Variants in DAB2 observed in about 807,000 individuals in gnomAD.
DAB2 encodes the protein DAB adaptor protein 2.
In DAB2, 28 loss-of-function variants were observed where a neutral mutation model predicts 71.6. The ratio of observed to expected loss-of-function variants is 0.39; its 90% confidence interval spans 0.29 to 0.54. DAB2 has a LOEUF of 0.54. DAB2 is among the 20% of genes least tolerant of loss of function. The probability of loss-of-function intolerance (pLI) is 0.68; values close to 1 mark genes in which losing one functional copy is unlikely to be tolerated. For synonymous variants in DAB2, 345 were observed against 339.7 expected, an observed-to-expected ratio of 1.02 and a Z score of -0.17; for missense variants, 867 against 928.8, an observed-to-expected ratio of 0.93 and a Z score of 0.86.
chr5:39,395,894 A>G (rs1250109196), intron 1 of DAB2, among the ~76,000 whole-genome samples: 1 of 136,568 alleles, frequency 7.3e-6, no homozygotes, highest in African/African-American at 2.7e-5. Context: ...GTATTACTGT[A>G]TCATATTTCA....
Position 39,372,393 on chromosome 5 carries a change from T to C in DAB2, c.*1038A>G, listed in dbSNP as rs1224490149. ...GACCCCAAATAAGCACCTAATGTGT[T>C]TGGCACAATCACATTTAGCTTTGTG... On this transcript the variant is annotated 3_prime_UTR_variant, in exon 15 of 15. Transcript: ENST00000320816. 1 of 152,212 alleles carries C rather than the reference T, an allele frequency of 6.6e-6. No individual in the cohort carries two copies. Among genetic ancestry groups the C allele is most frequent in the Non-Finnish European group, 1.5e-5 (1 of 68,036 alleles). 9.4% of individuals were successfully genotyped at this position (152,212 alleles called of 1,614,324 possible). A position where few individuals can be genotyped will look rare whatever the true frequency, so the allele number is the denominator to read the frequency against.
At chr5:39,392,602 C>A (rs79185156) in intron 3 of DAB2, 139 bp from the exon 4 acceptor site, 21,231 of 645,872 alleles carry the variant, frequency 0.033, 496 homozygotes, top group South Asian at 0.075. Context: ...ACTTTTCATC[C>A]GGGACAGCAA....
chr5:39,394,313 T>C lies in DAB2; in HGVS notation c.8A>G (p.Asn3Ser), dbSNP rs1413513229. Reference sequence around the variant, plus strand: ...ATTGGTTGCACTTGTTTCTACTTCGTTAGACATGGCAAGAAGGCAGGCAGC... The same window carrying C: ...ATTGGTTGCACTTGTTTCTACTTCGCTAGACATGGCAAGAAGGCAGGCAGC... Reference protein sequence around the residue: MSNEVETSATNGQ... With the variant: MSSEVETSATNGQ... The change falls in exon 2 of 15, where the codon AAC becomes AGC. Residue 3 changes from asparagine to serine, a missense_variant. Coordinates refer to ENST00000320816, the MANE Select transcript of DAB2 (RefSeq NM_001343.4). 8 of 1,614,056 alleles carry C rather than the reference T, an allele frequency of 5.0e-6. No individual in the cohort carries two copies. Among genetic ancestry groups the C allele is most frequent in the Non-Finnish European group, 6.8e-6 (8 of 1,179,928 alleles).
At chr5:39,377,325 G>T (rs372028299) in intron 11 of DAB2, 43 bp from the exon 12 acceptor site, 78 of 1,563,448 alleles carry the variant, frequency 5.0e-5, no homozygotes, top group Non-Finnish European at 6.0e-5. Context: ...AGTCAAGCTT[G>T]AAGAAGATTC....
At position 39,387,266 on chromosome 5, in the gene DAB2, C is replaced by T. The variant is rs111437274; in HGVS notation, c.687+1039G>A. Among the ~76,000 whole-genome samples, 728 of 152,222 alleles carry T rather than the reference C, an allele frequency of 4.8e-3. 6 individuals are homozygous for T. Among genetic ancestry groups the T allele is most frequent in the African/African-American group, 0.016 (677 of 41,574 alleles). On this transcript the variant is annotated intron_variant, in intron 9 of 14. Coordinates refer to ENST00000320816, the MANE Select transcript of DAB2 (RefSeq NM_001343.4). ...CTGTAACCTTGGTCACATAGGCTTC[C>T]ATGATAATTTCCTGATACAAGAGAG...
intron 13 of DAB2, 134 bp downstream of exon 13, chr5:39,375,863 C>T: frequency 1.4e-6 from 1 of 701,452 alleles, no homozygotes; most frequent in Non-Finnish European, 2.4e-6. Context: ...TCCAGCCTGG[C>T]CGACAGAGCA....
intron 1 of DAB2, among the ~76,000 whole-genome samples, chr5:39,403,407 G>A (rs894751060): frequency 6.6e-5 from 10 of 152,096 alleles, no homozygotes; most frequent in Non-Finnish European, 5.9e-5. Context: ...ACTGAACCAA[G>A]AATGCCTTCC....
At position 39,376,914 on chromosome 5, in the gene DAB2, T is replaced by C; in HGVS notation, c.1873A>G (p.Arg625Gly). The C allele has an allele frequency of 6.2e-7, 1 of 1,614,066 alleles. No homozygotes were observed. The highest frequency in any genetic ancestry group is 8.5e-7 in the Non-Finnish European group (1 of 1,179,982). ...LLVTPPQPPP[R>G]AGPPKDISSD... ...GAGATGTCCTTGGGAGGGCCAGCTCTGGGAGGTGGCTGAGGAGGAGTGACC... is the reference window on the plus strand; with the variant it reads ...GAGATGTCCTTGGGAGGGCCAGCTCCGGGAGGTGGCTGAGGAGGAGTGACC... The change falls in exon 12 of 15, where the codon AGA becomes GGA. Residue 625 changes from arginine (R) to glycine (G), a missense_variant. By Grantham distance (125) the Arg-to-Gly change is moderately radical (BLOSUM62 -2). Transcript: ENST00000320816.
intron 1 of DAB2, among the ~76,000 whole-genome samples, chr5:39,415,853 T>TCACTATA (rs890241110): frequency 2.0e-5 from 3 of 152,152 alleles, no homozygotes; most frequent in African/African-American, 7.2e-5. Flanking sequence ...AACATTTGCA[T>TCACTATA]CACTATACAC....
chr5:39,405,366 A>T (rs1755588410), intron 1 of DAB2, among the ~76,000 whole-genome samples: 1 of 152,220 alleles, frequency 6.6e-6, no homozygotes, highest in African/African-American at 2.4e-5. Context: ...TCTGGCTTAG[A>T]CTACACAGAA....
chr5:39,376,067 A>T lies in DAB2; in HGVS notation c.2177T>A (p.Val726Asp). 6.2e-7 allele frequency: 1 copy of T among 1,614,092 alleles called. No individual in the cohort carries two copies. The highest frequency in any genetic ancestry group is 8.5e-7 in the Non-Finnish European group (1 of 1,179,968). ...KPAPRQVSLP[V>D]TKSTDNAFEN... is the part of the protein sequence containing the mutation. ...AAATGCATTGTCAGTAGATTTGGTAACTGGCAGGGAAACTTGTCTGGGAGC... is the reference window on the plus strand; with the variant it reads ...AAATGCATTGTCAGTAGATTTGGTATCTGGCAGGGAAACTTGTCTGGGAGC... Residue 726 changes from valine to aspartate, a missense_variant, in exon 13 of 15, where the codon GTT becomes GAT. Around this residue, in one of 2 missense-constraint regions of DAB2, gnomAD observed 740 missense variants for 734.3 expected, o/e 1.01. Transcript: ENST00000320816.
intron 9 of DAB2, 126 bp from the exon 10 acceptor site, chr5:39,383,397 G>T: frequency 2.7e-6 from 2 of 747,184 alleles, no homozygotes; most frequent in East Asian, 2.6e-5. Flanking sequence ...TAAATCGGTT[G>T]ATCATTACCT....
At chr5:39,379,609 A>G (rs1754911646) in intron 11 of DAB2, among the ~76,000 whole-genome samples, 1 of 152,262 alleles carries the variant, frequency 6.6e-6, no homozygotes, top group Admixed American at 6.5e-5. Context: ...GGGGCAAGGA[A>G]TAAGGAAAAA....
intron 5 of DAB2, 97 bp from the exon 6 acceptor site, chr5:39,390,029 T>TA: frequency 3.2e-6 from 3 of 931,126 alleles, no homozygotes; most frequent in Non-Finnish European, 4.7e-6. Flanking sequence ...ATTTTTTTTT[T>TA]AATCTTAAAA....
intron 1 of DAB2, chr5:39,417,053 T>C (rs1755864409): frequency 6.6e-6 from 1 of 152,056 alleles, no homozygotes; most frequent in Non-Finnish European, 1.5e-5. Flanking sequence ...TAATGACGGA[T>C]CTGCTTGGCA....
Position 39,421,617 on chromosome 5 carries a change from C to T in DAB2, c.-102+3187G>A, listed in dbSNP as rs759033453. 7.2e-5 allele frequency among the ~76,000 whole-genome samples: 11 copies of T among 152,174 alleles called. No individual in the cohort carries two copies. The East Asian group carries it at 1.2e-3, about 16-fold the overall frequency. ...GTGTCCGTACCAGTCATCATTTGTTCCCCTAACCAGGAATTTGCTTGTTTT... is the reference window on the plus strand; with the variant it reads ...GTGTCCGTACCAGTCATCATTTGTTTCCCTAACCAGGAATTTGCTTGTTTT... On this transcript the variant is annotated intron_variant, in intron 1 of 14. Coordinates refer to ENST00000320816, the MANE Select transcript of DAB2 (RefSeq NM_001343.4).
At position 39,372,478 on chromosome 5, in the gene DAB2, C is replaced by T. The variant is rs967651171; in HGVS notation, c.*953G>A. On this transcript the variant is annotated 3_prime_UTR_variant, in exon 15 of 15. Coordinates refer to ENST00000320816, the MANE Select transcript of DAB2 (RefSeq NM_001343.4). ...TGAGTTGAGTTCAATTTCTCTTGAA[C>T]ATTAACTGCTCTTCTGGAACTTCAG... 1.3e-5 allele frequency: 2 copies of T among 152,158 alleles called. No individual in the cohort carries two copies. Among genetic ancestry groups the T allele is most frequent in the Non-Finnish European group, 2.9e-5 (2 of 68,036 alleles). 9.4% of individuals were successfully genotyped at this position (152,158 alleles called of 1,614,324 possible). A position where few individuals can be genotyped will look rare whatever the true frequency, so the allele number is the denominator to read the frequency against.
chr5:39,420,936 G>T (rs914088394), intron 1 of DAB2, among the ~76,000 whole-genome samples: 1 of 152,182 alleles, frequency 6.6e-6, no homozygotes, highest in Non-Finnish European at 1.5e-5. Flanking sequence ...ACACTCGGAA[G>T]AATTTTTATT....
chr5:39,386,272 C>T (rs1009129035), intron 9 of DAB2, among the ~76,000 whole-genome samples: 7 of 152,164 alleles, frequency 4.6e-5, no homozygotes, highest in Non-Finnish European at 7.4e-5. Flanking sequence ...ATTTGAAACT[C>T]ATAAAACTTT....
Sources: gnomAD v4.1 joint callset for allele counts (sites outside exome capture counted in the v4.1 genomes callset) on GRCh38, gnomAD v4.1.1 for gene constraint, gnomAD v4.1.1 regional missense constraint, MANE v1.5 for transcripts, NCBI Gene and HGNC (gene_info 2026-07-23, HGNC 2026-07-21) for gene names.